TBC1D26: variants seen among roughly 807,000 people sequenced by gnomAD.
TBC1D26 encodes TBC1 domain family member 26.
In TBC1D26, 19 loss-of-function variants were observed where a neutral mutation model predicts 42.5. That is an observed-to-expected ratio of 0.45 (90% CI 0.31 to 0.66). The LOEUF is 0.66. Ranked by LOEUF, TBC1D26 falls within the 30% of genes least tolerant of loss-of-function variation. TBC1D26 has a pLI of 0.06. For missense variants in TBC1D26, 228 were observed against 332.6 expected (o/e 0.69, Z 2.45); for synonymous variants, 97 against 123.5 (o/e 0.79, Z 1.42).
intron 8 of TBC1D26, among the ~76,000 whole-genome samples, chr17:15,739,486 C>T (rs185988444): frequency 3.3e-5 from 5 of 152,294 alleles, no homozygotes; most frequent in African/African-American, 1.2e-4. Context: ...ACTCTTCAGA[C>T]AGAGGCGACT....
At chr17:15,739,380 C>A (rs558583004) in intron 8 of TBC1D26, among the ~76,000 whole-genome samples, 1 of 152,274 alleles carries the variant, frequency 6.6e-6, no homozygotes. Flanking sequence ...CCAAGTAAAA[C>A]CCGCATGTGA....
chr17:15,740,693 C>A lies in TBC1D26; in HGVS notation c.547-429C>A, dbSNP rs1337074109. The A allele has an allele frequency of 5.5e-6, 6 of 1,084,968 alleles. No individual in the cohort carries two copies. In the African/African-American group the frequency reaches 8.2e-5, roughly 15 times the overall value. 67.2% of individuals were successfully genotyped at this position (1,084,968 alleles called of 1,614,324 possible). On this transcript the variant is annotated intron_variant, in intron 9 of 14. Coordinates refer to ENST00000437605, the MANE Select transcript of TBC1D26 (RefSeq NM_001388465.1). ...TGAGCTGCCCACATGGAGGACCCAG[C>A]CACCCCTTATGTCCGGCAGGCAGCC...
In TBC1D26 at chr17:15,732,315, A is replaced by G. The variant is rs576100372; in HGVS notation, c.-212A>G. 705 of 140,776 alleles carry G rather than the reference A, an allele frequency of 5.0e-3. 5 individuals are homozygous for G. Among genetic ancestry groups the G allele is most frequent in the African/African-American group, 0.017 (667 of 38,240 alleles). The allele number at this position is 140,776 out of a possible 1,614,324, so 8.7% of individuals were successfully genotyped here. ...TGTCTGGAGCTCTTAGAGATAAGAC[A>G]TAGAGGTGTCTGGTTCTGAGAAAAG... On this transcript the variant is annotated 5_prime_UTR_variant, in exon 1 of 15. Transcript: ENST00000437605.
In TBC1D26 at chr17:15,744,735, G is replaced by A. The variant is rs1967871948; in HGVS notation, c.*143G>A. 6.6e-6 allele frequency: 1 copy of A among 152,200 alleles called. No individual in the cohort carries two copies. Among genetic ancestry groups the A allele is most frequent in the South Asian group, 2.1e-4 (1 of 4,828 alleles). 9.4% of individuals were successfully genotyped at this position (152,200 alleles called of 1,614,324 possible). On this transcript the variant is annotated 3_prime_UTR_variant, in exon 15 of 15. Coordinates refer to ENST00000437605, the MANE Select transcript of TBC1D26 (RefSeq NM_001388465.1). ...TGAAACAGCTCCTGAAAATGAGAGG[G>A]AAAAGGAAGGTGTAAATATGTTGGT...
Position 15,741,130 on chromosome 17 carries a change from C to T in TBC1D26, c.555C>T (p.Gly185=). Residue 185 remains glycine (G), a synonymous_variant, in exon 10 of 15, where the codon GGC becomes GGT. Coordinates refer to ENST00000437605, the MANE Select transcript of TBC1D26 (RefSeq NM_001388465.1). ...GACTCTGGCTCTTGCAGGAGGTGGG[C>T]TACCACAGGGACCTGAGCCGCATCA... ...VAYSAYNPEV[G]YHRDLSRITA... The T allele has an allele frequency of 6.2e-7, 1 of 1,611,208 alleles. No homozygotes were observed. Among genetic ancestry groups the T allele is most frequent in the Non-Finnish European group, 8.5e-7 (1 of 1,179,920 alleles).
Position 15,741,227 on chromosome 17 carries a change from A to G in TBC1D26, c.646+6A>G, listed in dbSNP as rs369375781. The G allele has an allele frequency of 5.0e-6, 8 of 1,613,390 alleles. No individual in the cohort carries two copies. The highest frequency in any genetic ancestry group is 6.8e-6 in the Non-Finnish European group (8 of 1,179,862). ...GCTTACCCAGTTGCTCGCTGGTGAGAGGCACTCCCTGTGGGTAGGTGGACA... is the reference window on the plus strand; with the variant it reads ...GCTTACCCAGTTGCTCGCTGGTGAGGGGCACTCCCTGTGGGTAGGTGGACA... On this transcript the variant is annotated splice_donor_region_variant and intron_variant, in intron 10 of 14. Transcript: ENST00000437605.
At chr17:15,732,959 T>G (rs963370958) in intron 1 of TBC1D26, among the ~76,000 whole-genome samples, 1 of 151,810 alleles carries the variant, frequency 6.6e-6, no homozygotes, top group African/African-American at 2.4e-5. Flanking sequence ...TGAACACTGC[T>G]GCTCTGGGGC....
At chr17:15,743,597 T>C in intron 14 of TBC1D26, 81 bp downstream of exon 14, 1 of 416,986 alleles carries the variant, frequency 2.4e-6, no homozygotes, top group Non-Finnish European at 3.3e-6. Context: ...CCGCCAGCCC[T>C]CCTACCTGGT....
chr17:15,738,015 A>G lies in TBC1D26; in HGVS notation c.217A>G (p.Lys73Glu), dbSNP rs749455045. The G allele has an allele frequency of 6.2e-7, 1 of 1,614,188 alleles. No homozygotes were observed. Among genetic ancestry groups the G allele is most frequent in the Non-Finnish European group, 8.5e-7 (1 of 1,180,010 alleles). ...LEVKQRRKESKRTNKWQKMLA... is the reference protein window; with the variant it reads ...LEVKQRRKESERTNKWQKMLA... ...TTGACAGCAAAGACGCAAGGAAAGT[A>G]AACGTACCAACAAGTGGCAAAAGAT... Residue 73 changes from lysine to glutamate, a missense_variant, in exon 6 of 15, where the codon AAA becomes GAA. Lys to Glu is a moderately conservative substitution (Grantham distance 56). Around this residue, in one of 5 missense-constraint regions of TBC1D26, gnomAD observed 72 missense variants for 90.1 expected, o/e 0.80. Coordinates refer to ENST00000437605, the MANE Select transcript of TBC1D26 (RefSeq NM_001388465.1).
intron 8 of TBC1D26, among the ~76,000 whole-genome samples, chr17:15,739,633 G>A (rs1274535558): frequency 2.6e-5 from 4 of 152,284 alleles, no homozygotes; most frequent in African/African-American, 9.6e-5. Flanking sequence ...CTGGGAAAGG[G>A]CAAACCATAG....
chr17:15,733,265 G>C (rs1967527397), intron 1 of TBC1D26, among the ~76,000 whole-genome samples: 1 of 151,882 alleles, frequency 6.6e-6, no homozygotes, highest in South Asian at 2.1e-4. Flanking sequence ...CCAGATGGTT[G>C]CTTGGTGACC....
rs538358108 is a variant in TBC1D26, at chr17:15,739,368, G to A, written c.497+538G>A. On this transcript the variant is annotated intron_variant, in intron 8 of 14. Transcript: ENST00000437605. The stretch of plus-strand genomic sequence containing the variant: ...TGGCCACACTGATTTGAAAACTGAC[G>A]TCCAAGTAAAACCCGCATGTGACGT... Among the ~76,000 whole-genome samples the A allele has an allele frequency of 5.9e-5, 9 of 152,326 alleles. No individual in the cohort carries two copies. The East Asian group carries it at 1.3e-3, about 23-fold the overall frequency.
intron 9 of TBC1D26, 68 bp downstream of exon 9, chr17:15,740,216 G>T: frequency 2.5e-6 from 4 of 1,613,900 alleles, no homozygotes; most frequent in Non-Finnish European, 3.4e-6. Context: ...GTGTCTCTTG[G>T]GGGTGTTGCA....
intron 12 of TBC1D26, 24 bp from the exon 13 acceptor site, chr17:15,742,885 C>A: frequency 6.5e-6 from 1 of 154,256 alleles, no homozygotes. Flanking sequence ...AGGCCAGGTT[C>A]TCCCACACTT....
rs1249033674 is a variant in TBC1D26 at position 15,735,248 on chromosome 17, T to A, written c.-1-100T>A. ...TCTGGGAGGGGTAGTGGAATGGGGC[T>A]CACCAGACTGGAGTGTGTCTGGGAG... On this transcript the variant is annotated intron_variant, in intron 2 of 14. Transcript: ENST00000437605. 2.7e-6 allele frequency: 3 copies of A among 1,094,038 alleles called. No individual in the cohort carries two copies. In the Admixed American group the frequency reaches 5.6e-5, roughly 21 times the overall value. 67.8% of individuals were successfully genotyped at this position (1,094,038 alleles called of 1,614,324 possible). A position where few individuals can be genotyped will look rare whatever the true frequency, so the allele number is the denominator to read the frequency against.
rs1967645534 is a variant in TBC1D26 at position 15,737,417 on chromosome 17, C to T, written c.159-67C>T. 2.6e-6 allele frequency: 4 copies of T among 1,559,942 alleles called. No homozygotes were observed. The East Asian group carries it at 9.0e-5, about 35-fold the overall frequency. On this transcript the variant is annotated intron_variant, in intron 4 of 14. Transcript: ENST00000437605. ...GGGGTAGGCTGGTCCTTCCCTGGGGCCCTCTCAGGGAGAGGGATGGCTCCT... is the reference window on the plus strand; with the variant it reads ...GGGGTAGGCTGGTCCTTCCCTGGGGTCCTCTCAGGGAGAGGGATGGCTCCT...
At chr17:15,737,217 CA>C (rs1967638721) in intron 4 of TBC1D26, among the ~76,000 whole-genome samples, 1 of 152,182 alleles carries the variant, frequency 6.6e-6, no homozygotes, top group Non-Finnish European at 1.5e-5. Flanking sequence ...CCAGGTGGAG[CA>C]GCACCATTGT....
chr17:15,738,946 G>T (rs1173631992), intron 8 of TBC1D26, 116 bp downstream of exon 8: 5 of 1,426,224 alleles, frequency 3.5e-6, no homozygotes, highest in African/African-American at 2.8e-5. Flanking sequence ...GCCACCAAGG[G>T]CTCTCCTGGC....
intron 10 of TBC1D26, 81 bp from the exon 11 acceptor site, chr17:15,741,861 T>C (rs1279774627): frequency 1.0e-5 from 15 of 1,453,038 alleles, no homozygotes; most frequent in Non-Finnish European, 1.9e-6. Flanking sequence ...TGGGGTCCCC[T>C]GCCCTGCCCA....
Sources: allele counts gnomAD v4.1 joint callset (sites outside exome capture counted in the v4.1 genomes callset), GRCh38; gene constraint gnomAD v4.1.1; regional missense constraint gnomAD v4.1.1; transcripts MANE v1.5; gene names NCBI Gene and HGNC (gene_info 2026-07-23, HGNC 2026-07-21).